Variants in NLN observed in about 807,000 individuals in gnomAD.
NLN encodes neurolysin, mitochondrial.
Under a neutral mutation model 79.9 loss-of-function variants are expected in NLN, and 64 were observed. The observed-to-expected ratio is 0.80, with a 90% confidence interval of 0.65 to 0.99. The LOEUF is 0.99. NLN is among the 50% of genes least tolerant of loss of function. The pLI is 0.00. For synonymous variants in NLN, 267 were observed against 296.6 expected, an observed-to-expected ratio of 0.90 and a Z score of 1.02; for missense variants, 835 against 858.7, an observed-to-expected ratio of 0.97 and a Z score of 0.34.
At chr5:65,788,868 A>AGGC (rs1759994945) in intron 8 of NLN, among the ~76,000 whole-genome samples, 1 of 151,976 alleles carries the variant, frequency 6.6e-6, no homozygotes, top group Non-Finnish European at 1.5e-5. Context: ...GGTACTTGAG[A>AGGC]GGCTGAGGTG....
intron 1 of NLN, among the ~76,000 whole-genome samples, chr5:65,748,399 C>T (rs1194985566): frequency 6.6e-6 from 1 of 152,154 alleles, no homozygotes; most frequent in Non-Finnish European, 1.5e-5. Context: ...TTTATCATTT[C>T]TGAGGAGCAT....
At chr5:65,756,752 C>T (rs1037884595) in intron 1 of NLN, among the ~76,000 whole-genome samples, 1 of 152,160 alleles carries the variant, frequency 6.6e-6, no homozygotes, top group African/African-American at 2.4e-5. Context: ...ATCTGCCTGC[C>T]TCACCCTCTC....
At chr5:65,785,691 A>G (rs1759903769) in intron 6 of NLN, 84 bp from the exon 7 acceptor site, 6 of 1,123,234 alleles carry the variant, frequency 5.3e-6, no homozygotes, top group Non-Finnish European at 7.7e-6. Context: ...ACAAACCTAA[A>G]AATACATACA....
intron 3 of NLN, among the ~76,000 whole-genome samples, chr5:65,763,710 T>G (rs1393493939): frequency 2.0e-5 from 3 of 150,326 alleles, no homozygotes; most frequent in Non-Finnish European, 3.0e-5. Flanking sequence ...TTTTTTTGTT[T>G]AATTTTGCAT....
chr5:65,809,681 C>T lies in NLN; in HGVS notation c.1694C>T (p.Ala565Val). The T allele has an allele frequency of 6.2e-7, 1 of 1,607,012 alleles. No individual in the cohort carries two copies. The highest frequency in any genetic ancestry group is 8.5e-7 in the Non-Finnish European group (1 of 1,177,904). ...IADDLLEKLV[A>V]SRLVNTGLLT... ...GACGATCTGCTTGAAAAACTTGTTGCTTCTAGGCTGGTCAACACAGGTATG... is the reference window on the plus strand; with the variant it reads ...GACGATCTGCTTGAAAAACTTGTTGTTTCTAGGCTGGTCAACACAGGTATG... The change falls in exon 10 of 13, where the codon GCT (alanine) becomes GTT (valine). Residue 565 changes from alanine (A) to valine (V), a missense_variant. Transcript: ENST00000380985.
chr5:65,763,892 C>G lies in NLN; in HGVS notation c.450+784C>G, dbSNP rs370347408. Among the ~76,000 whole-genome samples, 34 of 152,182 alleles carry G rather than the reference C, an allele frequency of 2.2e-4. 1 individual carries two copies. The highest frequency in any genetic ancestry group is 7.5e-4 in the African/African-American group (31 of 41,546). Reference sequence around the variant, plus strand: ...ATCCTATTTTCTCATATCAGACAAGCATTTTTCATCCTATAATTGATAATC... The same window carrying G: ...ATCCTATTTTCTCATATCAGACAAGGATTTTTCATCCTATAATTGATAATC... On this transcript the variant is annotated intron_variant, in intron 3 of 12. Transcript: ENST00000380985.
At chr5:65,800,072 T>G (rs547038283) in intron 9 of NLN, among the ~76,000 whole-genome samples, 1 of 152,326 alleles carries the variant, frequency 6.6e-6, no homozygotes, top group South Asian at 2.1e-4. Flanking sequence ...CTGTCCTTTT[T>G]CATGAGCACA....
intron 2 of NLN, among the ~76,000 whole-genome samples, chr5:65,761,303 A>T (rs942647331): frequency 1.3e-5 from 2 of 151,438 alleles, no homozygotes; most frequent in East Asian, 1.9e-4. Flanking sequence ...TATTATTATT[A>T]TTTTTTGAGA....
At chr5:65,815,195 C>A (rs1760643459) in intron 12 of NLN, among the ~76,000 whole-genome samples, 1 of 152,200 alleles carries the variant, frequency 6.6e-6, no homozygotes, top group Non-Finnish European at 1.5e-5. Flanking sequence ...CTGTGCTTGC[C>A]CTTATGTGAC....
chr5:65,785,674 T>C (rs920448590), intron 6 of NLN, 101 bp from the exon 7 acceptor site: 299 of 921,942 alleles, frequency 3.2e-4, no homozygotes, highest in Non-Finnish European at 6.7e-5. Context: ...AAATATTTGA[T>C]AATTTTACAA....
rs1197990420 is a variant in NLN at position 65,828,282 on chromosome 5, T to C, written c.*5367T>C. 1 of 152,050 alleles carries C rather than the reference T, an allele frequency of 6.6e-6. No individual in the cohort carries two copies. The highest frequency in any genetic ancestry group is 1.5e-5 in the Non-Finnish European group (1 of 68,020). 9.4% of individuals were successfully genotyped at this position (152,050 alleles called of 1,614,324 possible). A position where few individuals can be genotyped will look rare whatever the true frequency, so the allele number is the denominator to read the frequency against. On this transcript the variant is annotated 3_prime_UTR_variant, in exon 13 of 13. Transcript: ENST00000380985. ...GTATGTGCCTAGATCAAAAGAATAA[T>C]CCCCCCGGACTCCAGTGTAAGATCA...
At chr5:65,768,916 T>C (rs1406178064) in intron 3 of NLN, among the ~76,000 whole-genome samples, 1 of 152,230 alleles carries the variant, frequency 6.6e-6, no homozygotes, top group Admixed American at 6.5e-5. Context: ...TACAGCCACA[T>C]TGGGGATAGG....
chr5:65,740,244 A>G (rs946594378), intron 1 of NLN, among the ~76,000 whole-genome samples: 1 of 152,180 alleles, frequency 6.6e-6, no homozygotes, highest in African/African-American at 2.4e-5. Flanking sequence ...GGGCCTTCTC[A>G]GTGTGTCATA....
In NLN at chr5:65,736,689, A is replaced by G. The variant is rs369426603; in HGVS notation, c.41+14275A>G. Among the ~76,000 whole-genome samples the G allele has an allele frequency of 8.5e-5, 13 of 152,218 alleles. No homozygotes were observed. The East Asian group carries it at 1.2e-3, about 14-fold the overall frequency. On this transcript the variant is annotated intron_variant, in intron 1 of 12. Transcript: ENST00000380985. Reference sequence around the variant, plus strand: ...GAACATGTTTTCGTGTTTCTTTGCCATTTGTATTTTGTGCCTGTTTATGTC... The same window carrying G: ...GAACATGTTTTCGTGTTTCTTTGCCGTTTGTATTTTGTGCCTGTTTATGTC...
intron 1 of NLN, among the ~76,000 whole-genome samples, chr5:65,746,012 C>T (rs1013659796): frequency 1.3e-5 from 2 of 152,090 alleles, no homozygotes; most frequent in African/African-American, 4.8e-5. Flanking sequence ...CCATTGACAT[C>T]CAAGTGGAGC....
At chr5:65,812,840 C>G (rs1362830224) in intron 12 of NLN, among the ~76,000 whole-genome samples, 1 of 152,130 alleles carries the variant, frequency 6.6e-6, no homozygotes, top group Non-Finnish European at 1.5e-5. Flanking sequence ...GGCTGGCATG[C>G]CCCACCCACT....
chr5:65,781,315 A>G lies in NLN; in HGVS notation c.716A>G (p.Tyr239Cys). ...DSLEKTDDDK[Y>C]KITLKYPHYF... is the part of the protein sequence containing the mutation. Reference sequence around the variant, plus strand: ...TTAGAAAAGACAGATGATGACAAGTATAAAATTACCTTAAAATATCCACAC... The same window carrying G: ...TTAGAAAAGACAGATGATGACAAGTGTAAAATTACCTTAAAATATCCACAC... Residue 239 changes from tyrosine to cysteine, a missense_variant, in exon 6 of 13, where the codon TAT becomes TGT. Tyr to Cys is a radical substitution (Grantham distance 194). Transcript: ENST00000380985. 1 of 1,605,960 alleles carries G rather than the reference A, an allele frequency of 6.2e-7. No homozygotes were observed. Among genetic ancestry groups the G allele is most frequent in the Non-Finnish European group, 8.5e-7 (1 of 1,172,688 alleles).
rs538679545 is a variant in NLN at position 65,723,387 on chromosome 5, G to C, written c.41+973G>C. Among the ~76,000 whole-genome samples the C allele has an allele frequency of 2.6e-5, 4 of 152,278 alleles. No homozygotes were observed. The South Asian group carries it at 8.3e-4, about 32-fold the overall frequency. ...ATTACAAAGAGTTAATGTGGTGATTGGTGACCATATTTCAGCCTGTCGTTT... is the reference window on the plus strand; with the variant it reads ...ATTACAAAGAGTTAATGTGGTGATTCGTGACCATATTTCAGCCTGTCGTTT... On this transcript the variant is annotated intron_variant, in intron 1 of 12. Coordinates refer to ENST00000380985, the MANE Select transcript of NLN (RefSeq NM_020726.5).
In NLN at chr5:65,785,923, T is replaced by C. The variant is rs776111848; in HGVS notation, c.958+13T>C. On this transcript the variant is annotated intron_variant, in intron 7 of 12. Transcript: ENST00000380985. ...ACAGCCTTTCTAGGTTAGTTCTTTT[T>C]TTTTTTTCTATGACTGTTTTGCTAT... The C allele has an allele frequency of 1.2e-6, 2 of 1,609,328 alleles. No homozygotes were observed. The highest frequency in any genetic ancestry group is 1.7e-4 in the Middle Eastern group (1 of 6,034).
Sources: gnomAD v4.1 joint callset for allele counts (sites outside exome capture counted in the v4.1 genomes callset) on GRCh38, gnomAD v4.1.1 for gene constraint, MANE v1.5 for transcripts, NCBI Gene and HGNC (gene_info 2026-07-23, HGNC 2026-07-21) for gene names.